Variants in ACKR3 observed in about 807,000 individuals in gnomAD.
The protein encoded by ACKR3 is atypical chemokine receptor 3.
A neutral mutation model predicts 22.4 loss-of-function variants in ACKR3; 6 were observed. The ratio of observed to expected loss-of-function variants is 0.27; its 90% CI spans 0.15 to 0.53. The LOEUF is 0.53. ACKR3 is among the 20% of genes least tolerant of loss of function. ACKR3 has a pLI of 0.96. For missense variants in ACKR3, 396 were observed against 475.2 expected (o/e 0.83, Z 1.55); for synonymous variants, 209 against 205.2 (o/e 1.02, Z -0.16).
At chr2:236,557,412 A>T in the ACKR3 span, among the ~76,000 whole-genome samples, 5 of 152,190 alleles carry the variant, frequency 3.3e-5, no homozygotes, top group African/African-American at 1.2e-4. Flanking sequence ...CTCCTTGGAA[A>T]GGCAGATTCC....
the ACKR3 span, among the ~76,000 whole-genome samples, chr2:236,546,071 C>T: frequency 5.3e-5 from 8 of 152,180 alleles, no homozygotes; most frequent in East Asian, 7.7e-4. This position sits in a 1 kb window ranked among gnomAD's most constrained non-coding sequence, Gnocchi z 4.9. Context: ...TACAGGACCA[C>T]GTTTTGTGAG....
rs1691435958 is a variant in ACKR3 at position 236,577,553 on chromosome 2, A to G, written c.-26-2887A>G. Among the ~76,000 whole-genome samples, 1 of 151,814 alleles carries G rather than the reference A, an allele frequency of 6.6e-6. No individual in the cohort carries two copies. The highest frequency in any genetic ancestry group is 2.4e-5 in the African/African-American group (1 of 41,358). On this transcript the variant is annotated intron_variant, in intron 1 of 1. Transcript: ENST00000272928. The surrounding 1 kb of genome is among the most constrained non-coding windows in gnomAD (Gnocchi z 5.6). ...AACTGGAAGGAAGGACACACTCGAG[A>G]TGTGGGAACCAGGCGTCTTCTCACT...
At chr2:236,565,926 AT>A (rs1289994113), upstream of ACKR3, among the ~76,000 whole-genome samples, 4 of 152,308 alleles carry the variant, frequency 2.6e-5, no homozygotes, top group East Asian at 7.7e-4. Context: ...CAGCTACCAG[AT>A]AATGAAGCTT....
chr2:236,574,959 G>A lies in ACKR3; in HGVS notation c.-27+5035G>A, dbSNP rs774699551. ...CAGGTGCTTGCCCACCGCCGGCCAC[G>A]GGAAAGTTCTCTCCCTGTCACTGCA... is the stretch of plus-strand genomic sequence containing the variant. On this transcript the variant is annotated intron_variant, in intron 1 of 1. Coordinates refer to ENST00000272928, the MANE Select transcript of ACKR3 (RefSeq NM_020311.3). The surrounding 1 kb of genome is among the most constrained non-coding windows in gnomAD (Gnocchi z 5.6). Among the ~76,000 whole-genome samples the A allele has an allele frequency of 1.9e-4, 29 of 152,170 alleles. No homozygotes were observed. The highest frequency in any genetic ancestry group is 3.2e-4 in the Non-Finnish European group (22 of 68,020).
the ACKR3 span, among the ~76,000 whole-genome samples, chr2:236,555,631 G>C: frequency 6.6e-6 from 1 of 152,182 alleles, no homozygotes; most frequent in African/African-American, 2.4e-5. Context: ...AAAAGAAACA[G>C]AGAAGACATC....
upstream of ACKR3, among the ~76,000 whole-genome samples, chr2:236,564,096 G>A (rs976219638): frequency 1.3e-5 from 2 of 152,158 alleles, no homozygotes; most frequent in Admixed American, 1.3e-4. Flanking sequence ...GGGGCCAGAG[G>A]CCCCTCCCTC....
At chr2:236,539,560 G>A in the ACKR3 span, among the ~76,000 whole-genome samples, 1 of 151,942 alleles carries the variant, frequency 6.6e-6, no homozygotes, top group Non-Finnish European at 1.5e-5. Flanking sequence ...TGATCCACCT[G>A]CCTCAGCCTC....
At chr2:236,555,862 T>G in the ACKR3 span, among the ~76,000 whole-genome samples, 1 of 151,964 alleles carries the variant, frequency 6.6e-6, no homozygotes, top group Non-Finnish European at 1.5e-5. Flanking sequence ...GGCTCACTCC[T>G]TTGCCACAGG....
At chr2:236,565,285 G>A (rs1233524252), upstream of ACKR3, among the ~76,000 whole-genome samples, 2 of 152,164 alleles carry the variant, frequency 1.3e-5, no homozygotes, top group African/African-American at 4.8e-5. Context: ...AGGAGACATG[G>A]TGTTGAAGAG....
chr2:236,553,637 G>A, the ACKR3 span, among the ~76,000 whole-genome samples: 21 of 152,350 alleles, frequency 1.4e-4, no homozygotes, highest in Middle Eastern at 3.4e-3. Flanking sequence ...CCCTGGCCAC[G>A]GTTGAAGGCA....
chr2:236,570,457 G>A (rs562345116), intron 1 of ACKR3, among the ~76,000 whole-genome samples: 16 of 152,356 alleles, frequency 1.1e-4, no homozygotes, highest in Middle Eastern at 3.4e-3. Flanking sequence ...AGTCCAAGAT[G>A]TATTTGAATT....
At chr2:236,540,006 A>C in the ACKR3 span, among the ~76,000 whole-genome samples, 1 of 152,222 alleles carries the variant, frequency 6.6e-6, no homozygotes, top group African/African-American at 2.4e-5. Flanking sequence ...CCCGTCCTTG[A>C]CACAGGAGGA....
chr2:236,569,566 T>A (rs1336690735), upstream of ACKR3: 1 of 152,294 alleles, frequency 6.6e-6, no homozygotes, highest in Non-Finnish European at 1.5e-5. Context: ...GGCTGACGTT[T>A]TCCCCCCGTG....
chr2:236,560,971 G>A, the ACKR3 span, among the ~76,000 whole-genome samples: 26 of 152,138 alleles, frequency 1.7e-4, no homozygotes, highest in East Asian at 5.8e-4. Context: ...ATATTACTCC[G>A]TCTTAATAAA....
upstream of ACKR3, among the ~76,000 whole-genome samples, chr2:236,563,405 G>A (rs1218436958): frequency 2.0e-5 from 3 of 152,224 alleles, no homozygotes; most frequent in Admixed American, 2.0e-4. Flanking sequence ...AAGATAGATA[G>A]TGCACTGATA....
At chr2:236,558,998 T>C in the ACKR3 span, among the ~76,000 whole-genome samples, 4 of 152,242 alleles carry the variant, frequency 2.6e-5, no homozygotes, top group African/African-American at 9.6e-5. Context: ...AAAATCTATA[T>C]ATTGATGTTT....
At position 236,580,537 on chromosome 2, in the gene ACKR3, C is replaced by G; in HGVS notation, c.72C>G (p.Ser24Arg). ...ACATCAGCTGGCCATGCAACAGCAGCGACTGCATCGTGGTGGACACGGTGA... is the reference window on the plus strand; with the variant it reads ...ACATCAGCTGGCCATGCAACAGCAGGGACTGCATCGTGGTGGACACGGTGA... ...FSDISWPCNS[S>R]DCIVVDTVMC... Residue 24 changes from serine to arginine, a missense_variant, in exon 2 of 2, where the codon AGC becomes AGG. Ser to Arg is a moderately radical substitution (Grantham distance 110, BLOSUM62 -1). Transcript: ENST00000272928. 1 of 1,614,250 alleles carries G rather than the reference C, an allele frequency of 6.2e-7. No individual in the cohort carries two copies. Among genetic ancestry groups the G allele is most frequent in the Non-Finnish European group, 8.5e-7 (1 of 1,180,040 alleles).
chr2:236,543,965 A>G, the ACKR3 span, among the ~76,000 whole-genome samples: 1 of 63,258 alleles, frequency 1.6e-5, no homozygotes, highest in Non-Finnish European at 2.7e-5. Flanking sequence ...ATATATATAT[A>G]TATATATATA....
chr2:236,551,111 G>A, the ACKR3 span, among the ~76,000 whole-genome samples: 1 of 152,202 alleles, frequency 6.6e-6, no homozygotes, highest in Non-Finnish European at 1.5e-5. Flanking sequence ...TTCAGGCCCT[G>A]CTTCTGCATC....
Sources: gnomAD v4.1 joint callset for allele counts (sites outside exome capture counted in the v4.1 genomes callset) on GRCh38, gnomAD v4.1.1 for gene constraint, Gnocchi (gnomAD v3.1) non-coding constraint, MANE v1.5 for transcripts, NCBI Gene and HGNC (gene_info 2026-07-23, HGNC 2026-07-21) for gene names.